Variants in ZNF33A observed in about 807,000 individuals in gnomAD.
ZNF33A encodes zinc finger protein 33A, also known as brain my041 protein.
Under a neutral mutation model 15.9 loss-of-function variants are expected in ZNF33A, and 9 were observed. That is an observed-to-expected ratio of 0.57 (90% CI 0.34 to 0.99). The LOEUF (loss-of-function observed/expected upper bound fraction) is 0.99. Among genes scored for constraint, ZNF33A ranks in the 50% least tolerant of loss-of-function variants. ZNF33A has a pLI of 0.02. For missense variants in ZNF33A, 843 were observed against 941.6 expected (o/e 0.90, Z 1.37); for synonymous variants, 294 against 324.2 (o/e 0.91, Z 1.00).
At chr10:38,014,824 A>T (rs777610375) in intron 2 of ZNF33A, among the ~76,000 whole-genome samples, 1 of 152,192 alleles carries the variant, frequency 6.6e-6, no homozygotes, top group Non-Finnish European at 1.5e-5. Context: ...GTATTAATAA[A>T]ATAACTTGCT....
intron 4 of ZNF33A, among the ~76,000 whole-genome samples, chr10:38,042,859 A>G (rs2065767699): frequency 1.3e-5 from 2 of 152,156 alleles, no homozygotes; most frequent in African/African-American, 4.8e-5. Flanking sequence ...GGCCTGTCTT[A>G]TTGTTAAATA....
Position 38,057,545 on chromosome 10 carries a change from G to T in ZNF33A, c.*985G>T. On this transcript the variant is annotated 3_prime_UTR_variant, in exon 5 of 5. Coordinates refer to ENST00000432900, the MANE Select transcript of ZNF33A (RefSeq NM_006954.2). ...TGGTTACATTATCAGGCCCATCCCA[G>T]ATGTTTGTGATGTCCTGAAACAATT... 1.0e-6 allele frequency: 1 copy of T among 985,008 alleles called. No individual in the cohort carries two copies. Among genetic ancestry groups the T allele is most frequent in the Non-Finnish European group, 1.2e-6 (1 of 829,546 alleles). The allele number at this position is 985,008 out of a possible 1,614,324, so 61.0% of individuals were successfully genotyped here.
chr10:38,041,808 C>T (rs1002199315), intron 4 of ZNF33A, among the ~76,000 whole-genome samples: 4 of 152,166 alleles, frequency 2.6e-5, no homozygotes, highest in African/African-American at 9.7e-5. Context: ...GATACTCAAC[C>T]TGTAATTGTT....
In ZNF33A at chr10:38,054,745, G is replaced by T; in HGVS notation, c.621G>T (p.Leu207Phe). The change falls in exon 5 of 5, where the codon TTG (leucine) becomes TTT (phenylalanine). Residue 207 changes from leucine (L) to phenylalanine (F), a missense_variant. By Grantham distance (22) the Leu-to-Phe change is conservative. Coordinates refer to ENST00000432900, the MANE Select transcript of ZNF33A (RefSeq NM_006954.2). ...RNTLSHHEET[L>F]QHEKIQTLEH... The stretch of plus-strand genomic sequence containing the variant: ...CACTGAGTCATCATGAGGAGACTTT[G>T]CAGCATGAGAAGATTCAAACTTTAG... The T allele has an allele frequency of 1.2e-6, 2 of 1,613,558 alleles. No individual in the cohort carries two copies. Among genetic ancestry groups the T allele is most frequent in the Non-Finnish European group, 1.7e-6 (2 of 1,179,916 alleles).
chr10:38,039,979 T>C (rs190058585), intron 4 of ZNF33A, among the ~76,000 whole-genome samples: 1 of 152,094 alleles, frequency 6.6e-6, no homozygotes. Flanking sequence ...TGATTTGAGA[T>C]CTTTTTAAAT....
intron 4 of ZNF33A, among the ~76,000 whole-genome samples, chr10:38,033,162 C>G (rs1325750929): frequency 6.6e-6 from 1 of 152,166 alleles, no homozygotes; most frequent in East Asian, 1.9e-4. Context: ...GAATTTTCTG[C>G]TGTGTGGAGT....
chr10:38,049,563 C>A lies in ZNF33A; in HGVS notation c.251-4812C>A, dbSNP rs79930163. ...TGTAATGTATATTGTGTAAATTTCA[C>A]ATATAGGGAATTTCATATGTGTATG... On this transcript the variant is annotated intron_variant, in intron 4 of 4. Coordinates refer to ENST00000432900, the MANE Select transcript of ZNF33A (RefSeq NM_006954.2). Among the ~76,000 whole-genome samples the A allele has an allele frequency of 1.8e-3, 276 of 152,072 alleles. 7 individuals carry two copies. In the East Asian group the frequency reaches 0.047, roughly 26 times the overall value.
At chr10:38,012,488 A>G (rs560767969) in intron 2 of ZNF33A, 138 bp downstream of exon 2, 200 of 1,052,718 alleles carry the variant, frequency 1.9e-4, no homozygotes, top group Non-Finnish European at 2.5e-4. Flanking sequence ...CTGGAGTACA[A>G]TGTCCCCATC....
In ZNF33A at chr10:38,058,079, C is replaced by T; in HGVS notation, c.*1519C>T. ...AGTGATCCTAGATTACACAAGTAAT[C>T]TAAGCTTCCACTTTAGGAAACTAGA... On this transcript the variant is annotated 3_prime_UTR_variant, in exon 5 of 5. Coordinates refer to ENST00000432900, the MANE Select transcript of ZNF33A (RefSeq NM_006954.2). 1.0e-6 allele frequency: 1 copy of T among 979,368 alleles called. No homozygotes were observed. The highest frequency in any genetic ancestry group is 1.2e-6 in the Non-Finnish European group (1 of 824,618). 60.7% of individuals were successfully genotyped at this position (979,368 alleles called of 1,614,324 possible). A position where few individuals can be genotyped will look rare whatever the true frequency, so the allele number is the denominator to read the frequency against.
At chr10:38,019,083 A>C (rs1056509997) in intron 4 of ZNF33A, among the ~76,000 whole-genome samples, 1 of 151,834 alleles carries the variant, frequency 6.6e-6, no homozygotes, top group African/African-American at 2.4e-5. Context: ...GTGCTGCACC[A>C]ATTAACTCGT....
At chr10:38,038,207 AC>A (rs2065537565) in intron 4 of ZNF33A, among the ~76,000 whole-genome samples, 1 of 152,018 alleles carries the variant, frequency 6.6e-6, no homozygotes, top group Non-Finnish European at 1.5e-5. Context: ...ATCTCGGCTC[AC>A]TGCGTCTCAG....
In ZNF33A at chr10:38,055,778, C is replaced by A. The variant is rs1420932231; in HGVS notation, c.1654C>A (p.Pro552Thr). ...TCAGAGAACACACACAGGGCAGAAA[C>A]CCTTTGCATGTCCCGAATGTGGGAA... ...VHQRTHTGQK[P>T]FACPECGKFF... The change falls in exon 5 of 5, where the codon CCC (proline) becomes ACC (threonine). Residue 552 changes from proline (P) to threonine (T), a missense_variant. Transcript: ENST00000432900. 6.3e-7 allele frequency: 1 copy of A among 1,585,196 alleles called. No individual in the cohort carries two copies. Among genetic ancestry groups the A allele is most frequent in the Non-Finnish European group, 8.6e-7 (1 of 1,161,542 alleles).
At chr10:38,036,041 C>T (rs1193991382) in intron 4 of ZNF33A, among the ~76,000 whole-genome samples, 1 of 152,168 alleles carries the variant, frequency 6.6e-6, no homozygotes, top group Non-Finnish European at 1.5e-5. Context: ...AAAAACCACA[C>T]ACTAATATCC....
intron 4 of ZNF33A, among the ~76,000 whole-genome samples, chr10:38,050,347 G>A (rs991288061): frequency 6.6e-6 from 1 of 152,218 alleles, no homozygotes; most frequent in Non-Finnish European, 1.5e-5. Flanking sequence ...CATTTGAAAA[G>A]CAGTCAGTGT....
intron 4 of ZNF33A, among the ~76,000 whole-genome samples, chr10:38,040,725 T>C (rs1265557445): frequency 6.6e-6 from 1 of 152,244 alleles, no homozygotes; most frequent in Non-Finnish European, 1.5e-5. Context: ...ATTTTCACAC[T>C]TTTGACAACC....
chr10:38,042,808 C>A (rs917403410), intron 4 of ZNF33A, among the ~76,000 whole-genome samples: 1 of 152,214 alleles, frequency 6.6e-6, no homozygotes, highest in African/African-American at 2.4e-5. Flanking sequence ...CTGCTTCAGC[C>A]TCCCAAAGTG....
At chr10:38,017,630 T>G (rs954282308) in intron 4 of ZNF33A, 4 of 275,292 alleles carry the variant, frequency 1.5e-5, no homozygotes, top group South Asian at 9.0e-5. Flanking sequence ...GTTCAGTCTT[T>G]GCCCACCTCA....
intron 4 of ZNF33A, among the ~76,000 whole-genome samples, chr10:38,037,933 G>T (rs1032967135): frequency 1.3e-5 from 2 of 152,180 alleles, no homozygotes; most frequent in Non-Finnish European, 2.9e-5. Flanking sequence ...GGTAGGGATT[G>T]TGTTGAGTTT....
intron 4 of ZNF33A, among the ~76,000 whole-genome samples, chr10:38,036,120 C>T (rs766742799): frequency 7.9e-5 from 12 of 151,982 alleles, no homozygotes; most frequent in Non-Finnish European, 1.5e-4. Flanking sequence ...ATGCTGTGAC[C>T]ACTCAAGGCT....
Sources: gnomAD v4.1 joint callset for allele counts (sites outside exome capture counted in the v4.1 genomes callset) on GRCh38, gnomAD v4.1.1 for gene constraint, MANE v1.5 for transcripts, NCBI Gene and HGNC (gene_info 2026-07-23, HGNC 2026-07-21) for gene names.